Variants in CAMKMT observed in about 807,000 individuals in gnomAD.
The protein encoded by CAMKMT is calmodulin-lysine N-methyltransferase.
In CAMKMT, 53 loss-of-function variants were observed where a neutral mutation model predicts 48.0. The ratio of observed to expected loss-of-function variants is 1.10; its 90% CI spans 0.89 to 1.39. CAMKMT has a LOEUF of 1.39. CAMKMT is among the 40% of genes most tolerant of loss of function. CAMKMT has a pLI of 0.00. For synonymous variants in CAMKMT, 165 were observed against 152.3 expected, an observed-to-expected ratio of 1.08 and a Z score of -0.61; for missense variants, 428 against 402.7, an observed-to-expected ratio of 1.06 and a Z score of -0.54.
intron 3 of CAMKMT, among the ~76,000 whole-genome samples, chr2:44,703,423 A>G (rs914030452): frequency 1.9e-4 from 29 of 152,190 alleles, no homozygotes; most frequent in Admixed American, 4.6e-4. Flanking sequence ...AAGATGTACC[A>G]AAGTTGGTGA....
At chr2:44,403,902 T>C (rs1338918470) in intron 3 of CAMKMT, among the ~76,000 whole-genome samples, 1 of 152,178 alleles carries the variant, frequency 6.6e-6, no homozygotes, top group Admixed American at 6.5e-5. Flanking sequence ...AATTCTTTCT[T>C]CCCTAATTTC....
intron 3 of CAMKMT, among the ~76,000 whole-genome samples, chr2:44,542,558 T>TCTG (rs1558690238): frequency 6.0e-5 from 3 of 49,990 alleles, no homozygotes; most frequent in Non-Finnish European, 2.5e-4. Context: ...CTCTCTCTCT[T>TCTG]TCTCTCTCCA....
chr2:44,485,621 T>C (rs1669179063), intron 3 of CAMKMT, among the ~76,000 whole-genome samples: 1 of 152,138 alleles, frequency 6.6e-6, no homozygotes, highest in Non-Finnish European at 1.5e-5. Context: ...TACAAACCTC[T>C]CCAGCATGTT....
At chr2:44,395,481 T>C (rs1490693109) in intron 3 of CAMKMT, among the ~76,000 whole-genome samples, 1 of 152,122 alleles carries the variant, frequency 6.6e-6, no homozygotes, top group Non-Finnish European at 1.5e-5. Flanking sequence ...AGTACAGTGG[T>C]TTGATTAAAA....
At chr2:44,644,876 T>A (rs1474187320) in intron 3 of CAMKMT, among the ~76,000 whole-genome samples, 3 of 152,226 alleles carry the variant, frequency 2.0e-5, no homozygotes, top group Non-Finnish European at 2.9e-5. Flanking sequence ...ATGATTTTTT[T>A]AATTGTATGT....
At chr2:44,594,756 A>C (rs1670550010) in intron 3 of CAMKMT, among the ~76,000 whole-genome samples, 1 of 152,210 alleles carries the variant, frequency 6.6e-6, no homozygotes, top group Non-Finnish European at 1.5e-5. Context: ...GCATGGGCAA[A>C]GACTTTATGA....
chr2:44,549,493 A>G, intron 3 of CAMKMT: 1 of 690,860 alleles, frequency 1.4e-6, no homozygotes, highest in South Asian at 1.6e-5. Context: ...TTGAACTGAA[A>G]ACCACAATTA....
In CAMKMT at chr2:44,364,625, C is replaced by T. The variant is rs114224980; in HGVS notation, c.138+2480C>T. 9.7e-3 allele frequency among the ~76,000 whole-genome samples: 1,479 copies of T among 152,222 alleles called. 16 individuals carry two copies. The highest frequency in any genetic ancestry group is 0.015 in the Non-Finnish European group (1,044 of 68,008). ...GAGAGTAAGGACAGTCTTTAAGTGGCGCATAGCACCTAGTCCTTAGTGTAT... is the reference window on the plus strand; with the variant it reads ...GAGAGTAAGGACAGTCTTTAAGTGGTGCATAGCACCTAGTCCTTAGTGTAT... On this transcript the variant is annotated intron_variant, in intron 1 of 10. Coordinates refer to ENST00000378494, the MANE Select transcript of CAMKMT (RefSeq NM_024766.5).
At chr2:44,538,827 T>C (rs1666924907) in intron 3 of CAMKMT, among the ~76,000 whole-genome samples, 2 of 152,178 alleles carry the variant, frequency 1.3e-5, no homozygotes, top group Non-Finnish European at 2.9e-5. Context: ...TTGCATACCA[T>C]TTACTTACAC....
At chr2:44,429,494 C>A (rs1176906655) in intron 3 of CAMKMT, among the ~76,000 whole-genome samples, 3 of 152,062 alleles carry the variant, frequency 2.0e-5, no homozygotes, top group African/African-American at 7.2e-5. Context: ...CATAATGGAG[C>A]TACTAATGAC....
At chr2:44,365,035 C>T (rs57562678) in intron 1 of CAMKMT, among the ~76,000 whole-genome samples, 1 of 152,154 alleles carries the variant, frequency 6.6e-6, no homozygotes, top group Middle Eastern at 3.2e-3. Flanking sequence ...ACAATTTAAT[C>T]GATCACATAT....
intron 2 of CAMKMT, among the ~76,000 whole-genome samples, chr2:44,374,983 T>C (rs1679534256): frequency 6.6e-6 from 1 of 152,018 alleles, no homozygotes; most frequent in South Asian, 2.1e-4. Context: ...TTTTAAAAAT[T>C]AGCCAGGGGT....
intron 8 of CAMKMT, among the ~76,000 whole-genome samples, chr2:44,751,411 A>G (rs1213349438): frequency 6.6e-6 from 1 of 152,184 alleles, no homozygotes; most frequent in East Asian, 1.9e-4. Flanking sequence ...TGTGACTCCA[A>G]ACCTCTCTGT....
At chr2:44,461,529 C>A (rs1026746273) in intron 3 of CAMKMT, among the ~76,000 whole-genome samples, 1 of 152,126 alleles carries the variant, frequency 6.6e-6, no homozygotes, top group Non-Finnish European at 1.5e-5. Flanking sequence ...ATTTGTTTAG[C>A]TGAAAATGTA....
intron 3 of CAMKMT, among the ~76,000 whole-genome samples, chr2:44,523,006 A>T (rs1177515455): frequency 6.6e-6 from 1 of 152,154 alleles, no homozygotes; most frequent in Non-Finnish European, 1.5e-5. Context: ...CATCTTTGTT[A>T]CATTTTTTAT....
At chr2:44,417,595 T>C (rs981220481) in intron 3 of CAMKMT, among the ~76,000 whole-genome samples, 2 of 152,178 alleles carry the variant, frequency 1.3e-5, no homozygotes, top group Non-Finnish European at 2.9e-5. Context: ...ATTGTTAGAT[T>C]GTATAAGTGT....
At chr2:44,616,159 C>A (rs1194205731) in intron 3 of CAMKMT, among the ~76,000 whole-genome samples, 3 of 152,200 alleles carry the variant, frequency 2.0e-5, no homozygotes, top group Non-Finnish European at 2.9e-5. Flanking sequence ...TCTTCTGTCT[C>A]TTGAACTGTG....
chr2:44,412,701 A>C (rs1341989043), intron 3 of CAMKMT, among the ~76,000 whole-genome samples: 2 of 152,160 alleles, frequency 1.3e-5, no homozygotes, highest in Non-Finnish European at 2.9e-5. Flanking sequence ...CTATTTTGAC[A>C]CTGAATAAGT....
chr2:44,489,864 C>T (rs1180392601), intron 3 of CAMKMT, among the ~76,000 whole-genome samples: 4 of 152,132 alleles, frequency 2.6e-5, no homozygotes, highest in African/African-American at 7.2e-5. Context: ...AGGAGAACTA[C>T]TTATTGGGTT....
Sources: allele counts gnomAD v4.1 joint callset (sites outside exome capture counted in the v4.1 genomes callset), GRCh38; gene constraint gnomAD v4.1.1; transcripts MANE v1.5; gene names NCBI Gene and HGNC (gene_info 2026-07-23, HGNC 2026-07-21).